Variants in TRPM2 observed in about 807,000 individuals in gnomAD.
The protein encoded by TRPM2 is transient receptor potential cation channel subfamily M member 2, also known as estrogen-responsive element-associated gene 1 protein.
Under a neutral mutation model 174.0 loss-of-function variants are expected in TRPM2, and 161 were observed. The ratio of observed to expected loss-of-function variants is 0.93; its 90% CI spans 0.81 to 1.05. TRPM2 has a LOEUF of 1.05. TRPM2 is among the 50% of genes least tolerant of loss of function. The pLI is 0.00. For synonymous variants in TRPM2, 954 were observed against 861.3 expected (o/e 1.11, Z -1.88); for missense variants, 2,057 against 2,038.0 (o/e 1.01, Z -0.18).
intron 27 of TRPM2, among the ~76,000 whole-genome samples, 192 bp from the exon 28 acceptor site, chr21:44,434,939 C>T (rs1165473627): frequency 6.6e-6 from 1 of 152,100 alleles, no homozygotes; most frequent in African/African-American, 2.4e-5. Context: ...AACCCAGAGC[C>T]TTGGTCTCAC....
Position 44,386,744 on chromosome 21 carries a change from G to A in TRPM2, c.1318+3924G>A, listed in dbSNP as rs538772742. Among the ~76,000 whole-genome samples, 10 of 150,324 alleles carry A rather than the reference G, an allele frequency of 6.7e-5. No homozygotes were observed. The East Asian group carries it at 1.6e-3, about 23-fold the overall frequency. ...TTTTTTTTTTTGCAGAAATAGAAAA[G>A]CCCATCCTAAAATTCATGTGGAGTC... On this transcript the variant is annotated intron_variant, in intron 9 of 31. Coordinates refer to ENST00000397928, the MANE Select transcript of TRPM2 (RefSeq NM_003307.4).
At chr21:44,369,055 G>T in intron 4 of TRPM2, 122 bp from the exon 5 acceptor site, 1 of 1,087,112 alleles carries the variant, frequency 9.2e-7, no homozygotes, top group Non-Finnish European at 1.3e-6. Flanking sequence ...GCCCCTGAGT[G>T]AGGAGCTCTG....
At position 44,353,711 on chromosome 21, in the gene TRPM2, C is replaced by T; in HGVS notation, c.11C>T (p.Ser4Leu). Reference sequence around the variant, plus strand: ...CGTGGGGGTCTCAGAATGGAGCCCTCAGCCCTGAGGAAAGCTGGCTCGGAG... The same window carrying T: ...CGTGGGGGTCTCAGAATGGAGCCCTTAGCCCTGAGGAAAGCTGGCTCGGAG... MEP[S>L]ALRKAGSEQE... Residue 4 changes from serine to leucine, a missense_variant, in exon 1 of 32, where the codon TCA (serine) becomes TTA (leucine). Physicochemically the swap from Ser to Leu is moderately radical, Grantham distance 145. Transcript: ENST00000397928. 1 of 1,537,562 alleles carries T rather than the reference C, an allele frequency of 6.5e-7. No individual in the cohort carries two copies.
chr21:44,435,259 G>A (rs2051200025), intron 28 of TRPM2, 42 bp downstream of exon 28: 1 of 1,593,538 alleles, frequency 6.3e-7, no homozygotes, highest in Non-Finnish European at 8.6e-7. Context: ...CAGCAAGGCG[G>A]TCACCCCACC....
intron 19 of TRPM2, among the ~76,000 whole-genome samples, chr21:44,410,913 G>A (rs962411302): frequency 6.9e-6 from 1 of 144,936 alleles, no homozygotes; most frequent in African/African-American, 2.6e-5. Flanking sequence ...CTTGGTTGGC[G>A]TAGCCTTGTA....
intron 27 of TRPM2, among the ~76,000 whole-genome samples, chr21:44,427,778 A>G (rs544364287): frequency 6.6e-6 from 1 of 152,278 alleles, no homozygotes; most frequent in Non-Finnish European, 1.5e-5. Flanking sequence ...GCTCTGGAAC[A>G]GGGTGTGGGC....
rs976490974 is a variant in TRPM2 at position 44,423,719 on chromosome 21, C to T, written c.3536C>T (p.Ser1179Phe). 6 of 1,608,682 alleles carry T rather than the reference C, an allele frequency of 3.7e-6. No homozygotes were observed. Among genetic ancestry groups the T allele is most frequent in the Non-Finnish European group, 5.1e-6 (6 of 1,178,706 alleles). Residue 1179 changes from serine (S) to phenylalanine (F), a missense_variant, in exon 23 of 32, where the codon TCC (serine) becomes TTC (phenylalanine). Transcript: ENST00000397928. Reference sequence around the variant, plus strand: ...GGCTCCATGGAGCAGAGGTTGGCCTCCCTGGAGGAGCAGGTGGGTCCGAGG... The same window carrying T: ...GGCTCCATGGAGCAGAGGTTGGCCTTCCTGGAGGAGCAGGTGGGTCCGAGG... ...RSGSMEQRLA[S>F]LEEQVAQTAQ...
At chr21:44,360,013 TG>T (rs1219438817) in intron 2 of TRPM2, among the ~76,000 whole-genome samples, 17 of 152,120 alleles carry the variant, frequency 1.1e-4, no homozygotes, top group Non-Finnish European at 2.5e-4. Context: ...CCCAAAGTGC[TG>T]GGATTACAGG....
chr21:44,371,329 C>G (rs1451465882), intron 5 of TRPM2, among the ~76,000 whole-genome samples: 1 of 132,154 alleles, frequency 7.6e-6, no homozygotes, highest in African/African-American at 3.0e-5. Flanking sequence ...TGTCTGCCTC[C>G]GTGTCCCGTG....
chr21:44,418,329 GC>G lies in TRPM2; in HGVS notation c.3329-89del, dbSNP rs1048651273. 4 of 1,532,784 alleles carry G rather than the reference GC, an allele frequency of 2.6e-6. No individual in the cohort carries two copies. In the African/African-American group the frequency reaches 4.1e-5, roughly 16 times the overall value. 94.9% of individuals were successfully genotyped at this position (1,532,784 alleles called of 1,614,324 possible). A position where few individuals can be genotyped will look rare whatever the true frequency, so the allele number is the denominator to read the frequency against. On this transcript the variant is annotated intron_variant, in intron 21 of 31. Transcript: ENST00000397928. ...GGGCTCTTCCTGCCACTCAGGACTG[GC>G]CCCCTCCCACGGGGCCCCCCCGGTG... is the stretch of plus-strand genomic sequence containing the variant.
intron 2 of TRPM2, among the ~76,000 whole-genome samples, chr21:44,362,714 C>A (rs997015653): frequency 3.9e-5 from 6 of 152,038 alleles, no homozygotes; most frequent in African/African-American, 1.4e-4. Flanking sequence ...TGTGTCTGCT[C>A]GTGACAAATT....
chr21:44,379,392 C>A (rs549628341), intron 8 of TRPM2, among the ~76,000 whole-genome samples, 195 bp downstream of exon 8: 1 of 152,312 alleles, frequency 6.6e-6, no homozygotes, highest in East Asian at 1.9e-4. Flanking sequence ...GATCCCAAGA[C>A]AGCATGTGAA....
At chr21:44,422,039 G>A (rs548651978) in intron 22 of TRPM2, among the ~76,000 whole-genome samples, 3 of 152,358 alleles carry the variant, frequency 2.0e-5, no homozygotes, top group East Asian at 1.9e-4. Flanking sequence ...TTGCTCATCC[G>A]CAGAGGGGCC....
intron 3 of TRPM2, among the ~76,000 whole-genome samples, chr21:44,364,575 C>T (rs116147016): frequency 4.0e-5 from 6 of 151,682 alleles, no homozygotes; most frequent in South Asian, 2.1e-4. Flanking sequence ...TGTCCTTGGG[C>T]GGCATTTGTC....
intron 5 of TRPM2, among the ~76,000 whole-genome samples, chr21:44,371,964 T>A (rs879865818): frequency 2.0e-5 from 3 of 152,102 alleles, no homozygotes; most frequent in Non-Finnish European, 1.5e-5. Context: ...GGAAACCCTG[T>A]CTTTACTAAA....
At chr21:44,375,157 G>A (rs561692109) in intron 5 of TRPM2, among the ~76,000 whole-genome samples, 1 of 152,080 alleles carries the variant, frequency 6.6e-6, no homozygotes, top group Admixed American at 6.6e-5. Context: ...TGATCCTCCC[G>A]CCTTGGCCTC....
At position 44,392,574 on chromosome 21, in the gene TRPM2, CTT is replaced by C. The variant is rs1569054015; in HGVS notation, c.1794+953_1794+954del. 2.0e-5 allele frequency among the ~76,000 whole-genome samples: 3 copies of C among 152,162 alleles called. 1 individual carries two copies. The South Asian group carries it at 6.2e-4, about 32-fold the overall frequency. On this transcript the variant is annotated intron_variant, in intron 11 of 31. Coordinates refer to ENST00000397928, the MANE Select transcript of TRPM2 (RefSeq NM_003307.4). The stretch of plus-strand genomic sequence containing the variant: ...AGCCTCCGCACCTGGCCTCACCCCT[CTT>C]TTTATAAAGAGAACACACCTATCCA...
At chr21:44,380,471 G>C (rs1481200533) in intron 8 of TRPM2, among the ~76,000 whole-genome samples, 1 of 152,200 alleles carries the variant, frequency 6.6e-6, no homozygotes, top group Non-Finnish European at 1.5e-5. Context: ...TCAGAACTGA[G>C]TTTAATCTGC....
At chr21:44,436,122 G>A (rs1225475883) in intron 28 of TRPM2, among the ~76,000 whole-genome samples, 2 of 152,100 alleles carry the variant, frequency 1.3e-5, no homozygotes, top group Non-Finnish European at 2.9e-5. Flanking sequence ...CACCCCCTCA[G>A]GCTCACTCCT....
Sources: allele counts gnomAD v4.1 joint callset (sites outside exome capture counted in the v4.1 genomes callset), GRCh38; gene constraint gnomAD v4.1.1; transcripts MANE v1.5; gene names NCBI Gene and HGNC (gene_info 2026-07-23, HGNC 2026-07-21).